Variants in SDC2 observed in about 807,000 individuals in gnomAD.
The protein encoded by SDC2 is syndecan 2.
In SDC2, 13 loss-of-function variants were observed where a neutral mutation model predicts 22.2. The ratio of observed to expected loss-of-function variants is 0.59; its 90% CI spans 0.38 to 0.93. The LOEUF (loss-of-function observed/expected upper bound fraction) is 0.93. Ranked by LOEUF, SDC2 falls within the 40% of genes least tolerant of loss-of-function variation. The probability of loss-of-function intolerance (pLI) is 0.00; values close to 1 mark genes in which losing one functional copy is unlikely to be tolerated. For synonymous variants in SDC2, 94 were observed against 92.8 expected (o/e 1.01, Z -0.07); for missense variants, 235 against 246.8 (o/e 0.95, Z 0.32).
intron 1 of SDC2, among the ~76,000 whole-genome samples, chr8:96,546,344 C>A (rs1361982800): frequency 6.6e-6 from 1 of 152,132 alleles, no homozygotes; most frequent in Admixed American, 6.5e-5. Flanking sequence ...CTCAGACATG[C>A]CCTTACTTGG....
At chr8:96,527,073 GATTT>G (rs1813589414) in intron 1 of SDC2, among the ~76,000 whole-genome samples, 1 of 152,104 alleles carries the variant, frequency 6.6e-6, no homozygotes, top group Non-Finnish European at 1.5e-5. Context: ...ACCCATCCAG[GATTT>G]ATTTCAGCAG....
At chr8:96,512,342 T>G (rs1813341692) in intron 1 of SDC2, among the ~76,000 whole-genome samples, 1 of 152,236 alleles carries the variant, frequency 6.6e-6, no homozygotes, top group African/African-American at 2.4e-5. Flanking sequence ...CAACTTCAAG[T>G]TAACAGCCTG....
At chr8:96,582,851 T>G (rs568162888) in intron 1 of SDC2, among the ~76,000 whole-genome samples, 2 of 152,272 alleles carry the variant, frequency 1.3e-5, no homozygotes, top group Admixed American at 6.5e-5. Flanking sequence ...CAAGCTCACC[T>G]TGACATGGAG....
chr8:96,528,541 TA>T (rs1813614092), intron 1 of SDC2, among the ~76,000 whole-genome samples: 1 of 152,202 alleles, frequency 6.6e-6, no homozygotes, highest in Non-Finnish European at 1.5e-5. Context: ...AAAAATTTTT[TA>T]AATGGTTTGG....
At chr8:96,537,375 G>C (rs967339709) in intron 1 of SDC2, 1 of 152,110 alleles carries the variant, frequency 6.6e-6, no homozygotes, top group Non-Finnish European at 1.5e-5. Flanking sequence ...AAAGTGTCTT[G>C]AATTGCTTGG....
At chr8:96,604,454 G>A (rs1815043794) in intron 3 of SDC2, among the ~76,000 whole-genome samples, 2 of 152,138 alleles carry the variant, frequency 1.3e-5, no homozygotes, top group Non-Finnish European at 2.9e-5. Context: ...TATTCATTAT[G>A]TGTCGAACAC....
intron 4 of SDC2, among the ~76,000 whole-genome samples, chr8:96,608,982 A>C (rs1320968706): frequency 6.6e-6 from 1 of 152,252 alleles, no homozygotes; most frequent in African/African-American, 2.4e-5. Flanking sequence ...GAATAGAAAT[A>C]AATTTGCATG....
At chr8:96,573,507 C>T (rs1434885920) in intron 1 of SDC2, among the ~76,000 whole-genome samples, 1 of 152,016 alleles carries the variant, frequency 6.6e-6, no homozygotes, top group African/African-American at 2.4e-5. Flanking sequence ...AAAGTGATAA[C>T]AGCACCTGAC....
At chr8:96,508,296 A>AAATAATAATAAT (rs35792253) in intron 1 of SDC2, among the ~76,000 whole-genome samples, 11 of 130,914 alleles carry the variant, frequency 8.4e-5, no homozygotes, top group East Asian at 4.6e-4. Context: ...ACTCCGTCTC[A>AAATAATAATAAT]AATAATAATA....
intron 1 of SDC2, among the ~76,000 whole-genome samples, chr8:96,590,176 G>A (rs1175153577): frequency 6.6e-6 from 1 of 152,192 alleles, no homozygotes; most frequent in Non-Finnish European, 1.5e-5. Context: ...AGCCAAAAGG[G>A]AAAGGTCTGA....
chr8:96,586,181 C>T (rs1029853162), intron 1 of SDC2, among the ~76,000 whole-genome samples: 1 of 152,166 alleles, frequency 6.6e-6, no homozygotes, highest in Non-Finnish European at 1.5e-5. Context: ...CAGTTCCCCT[C>T]AGAATAAGGC....
chr8:96,546,345 C>T (rs979346278), intron 1 of SDC2, among the ~76,000 whole-genome samples: 2 of 151,946 alleles, frequency 1.3e-5, no homozygotes, highest in African/African-American at 2.4e-5. Flanking sequence ...TCAGACATGC[C>T]CTTACTTGGA....
At chr8:96,524,503 C>T (rs1284656999) in intron 1 of SDC2, among the ~76,000 whole-genome samples, 1 of 152,078 alleles carries the variant, frequency 6.6e-6, no homozygotes, top group Non-Finnish European at 1.5e-5. Flanking sequence ...GTTATATATT[C>T]CAGTTTAGGG....
At chr8:96,577,203 C>T (rs560017223) in intron 1 of SDC2, among the ~76,000 whole-genome samples, 1 of 152,252 alleles carries the variant, frequency 6.6e-6, no homozygotes, top group South Asian at 2.1e-4. Flanking sequence ...TCCAGAAGTC[C>T]AGGAATGTGT....
At chr8:96,558,477 T>A (rs1360597760) in intron 1 of SDC2, among the ~76,000 whole-genome samples, 1 of 152,224 alleles carries the variant, frequency 6.6e-6, no homozygotes, top group Non-Finnish European at 1.5e-5. Flanking sequence ...TTTCACCGTC[T>A]GAGATAGTCT....
intron 1 of SDC2, among the ~76,000 whole-genome samples, chr8:96,536,845 A>G (rs1813762398): frequency 6.6e-6 from 1 of 152,156 alleles, no homozygotes; most frequent in African/African-American, 2.4e-5. Context: ...TTCTGTGGCA[A>G]TTGGAGACTC....
chr8:96,548,487 A>G (rs1335304632), intron 1 of SDC2, among the ~76,000 whole-genome samples: 2 of 152,244 alleles, frequency 1.3e-5, no homozygotes, highest in African/African-American at 4.8e-5. Context: ...GAAGGGTCAA[A>G]GAGAAAGTTC....
intron 1 of SDC2, among the ~76,000 whole-genome samples, chr8:96,518,172 T>C (rs1813436054): frequency 6.6e-6 from 1 of 152,102 alleles, no homozygotes; most frequent in Non-Finnish European, 1.5e-5. Context: ...AGCTGATTTT[T>C]CGAAGTTTTG....
intron 1 of SDC2, among the ~76,000 whole-genome samples, chr8:96,591,978 G>A (rs893902824): frequency 3.9e-5 from 6 of 152,188 alleles, no homozygotes; most frequent in African/African-American, 1.4e-4. Flanking sequence ...TTACAATCTG[G>A]AATGGTGATA....
Sources: gnomAD v4.1 joint callset for allele counts (sites outside exome capture counted in the v4.1 genomes callset) on GRCh38, gnomAD v4.1.1 for gene constraint, MANE v1.5 for transcripts, NCBI Gene and HGNC (gene_info 2026-07-23, HGNC 2026-07-21) for gene names.